The following ABHD5 variants were observed in gnomAD, a reference collection of about 807,000 sequenced individuals.
The protein encoded by ABHD5 is abhydrolase domain containing 5, lysophosphatidic acid acyltransferase, also known as 1-acylglycerol-3-phosphate O-acyltransferase ABHD5.
In ABHD5, 30 loss-of-function variants were observed where a neutral mutation model predicts 44.9. The observed-to-expected ratio is 0.67, with a 90% CI of 0.50 to 0.91. ABHD5 has a LOEUF of 0.91. Ranked by LOEUF, ABHD5 falls within the 40% of genes least tolerant of loss-of-function variation. The pLI is 0.00. For missense variants in ABHD5, 399 were observed against 423.4 expected (o/e 0.94, Z 0.50); for synonymous variants, 167 against 147.0 (o/e 1.14, Z -0.99).
Position 43,720,811 on chromosome 3 carries a change from GA to G in ABHD5, c.*2281del, listed in dbSNP as rs1244173816. 6.6e-6 allele frequency: 1 copy of G among 152,020 alleles called. No individual in the cohort carries two copies. The highest frequency in any genetic ancestry group is 1.5e-5 in the Non-Finnish European group (1 of 68,018). The allele number at this position is 152,020 out of a possible 1,614,324, so 9.4% of individuals were successfully genotyped here. On this transcript the variant is annotated 3_prime_UTR_variant, in exon 7 of 7. Coordinates refer to ENST00000644371, the MANE Select transcript of ABHD5 (RefSeq NM_016006.6). Reference sequence around the variant, plus strand: ...AGTAAATGCTGCTGTTGTTCTTAGGGAAGGCTACTCTGGGTGTTGTGGCCGC... The same window carrying G: ...AGTAAATGCTGCTGTTGTTCTTAGGGAGGCTACTCTGGGTGTTGTGGCCGC...
intron 2 of ABHD5, among the ~76,000 whole-genome samples, chr3:43,700,505 T>C (rs2084528095): frequency 6.6e-6 from 1 of 152,230 alleles, no homozygotes; most frequent in African/African-American, 2.4e-5. Flanking sequence ...TTTGTGCATT[T>C]GAATGATTCA....
At chr3:43,723,662 A>G (rs896942436), downstream of ABHD5, among the ~76,000 whole-genome samples, 1 of 152,234 alleles carries the variant, frequency 6.6e-6, no homozygotes, top group Admixed American at 6.5e-5. Context: ...CACACAGGAG[A>G]TTGAAAAGCA....
chr3:43,704,139 A>T (rs377453513), intron 3 of ABHD5, among the ~76,000 whole-genome samples: 1 of 149,368 alleles, frequency 6.7e-6, no homozygotes, highest in South Asian at 2.1e-4. Flanking sequence ...TCCCAGGTTC[A>T]AGCAATTCTC....
chr3:43,709,094 T>C (rs1375068759), intron 3 of ABHD5, among the ~76,000 whole-genome samples: 1 of 152,238 alleles, frequency 6.6e-6, no homozygotes, highest in Non-Finnish European at 1.5e-5. Flanking sequence ...TTATACTTTA[T>C]AAAATTTGTA....
intron 3 of ABHD5, among the ~76,000 whole-genome samples, chr3:43,710,012 C>T (rs1272140999): frequency 1.3e-5 from 2 of 152,128 alleles, no homozygotes; most frequent in Non-Finnish European, 2.9e-5. Context: ...CACTGCACTC[C>T]AGCCTGGGCG....
intron 2 of ABHD5, 72 bp from the exon 3 acceptor site, chr3:43,702,143 G>T: frequency 1.4e-6 from 2 of 1,381,996 alleles, no homozygotes; most frequent in Admixed American, 4.8e-5. Context: ...GTAATTTTTG[G>T]TTGCTCTGAG....
intron 4 of ABHD5, among the ~76,000 whole-genome samples, chr3:43,714,431 G>A (rs1219736196): frequency 1.3e-5 from 2 of 152,174 alleles, no homozygotes; most frequent in East Asian, 3.9e-4. Flanking sequence ...TCACGCCTGG[G>A]TGTCCTCGGC....
intron 1 of ABHD5, among the ~76,000 whole-genome samples, chr3:43,695,980 CCTTT>C (rs1397865715): frequency 6.6e-6 from 1 of 152,156 alleles, no homozygotes; most frequent in African/African-American, 2.4e-5. Flanking sequence ...AAACAAGAAT[CCTTT>C]CTTTTTTTGT....
At chr3:43,730,798 G>A (rs989075293) in intron 7 of ABHD5, among the ~76,000 whole-genome samples, 18 of 152,150 alleles carry the variant, frequency 1.2e-4, no homozygotes, top group African/African-American at 3.9e-4. Flanking sequence ...GAGCCACTGC[G>A]CCTGGCCTAA....
intron 5 of ABHD5, among the ~76,000 whole-genome samples, chr3:43,717,429 A>G (rs182672185): frequency 9.8e-5 from 15 of 152,352 alleles, no homozygotes; most frequent in African/African-American, 3.6e-4. Context: ...TTAGGGTTGT[A>G]CATTTTGGTT....
At chr3:43,690,905 C>T (rs1320988126), upstream of ABHD5, 3 of 1,408,350 alleles carry the variant, frequency 2.1e-6, no homozygotes, top group East Asian at 5.8e-5. Flanking sequence ...CGGCCTGCGC[C>T]GCCTTAAGTG....
intron 5 of ABHD5, 89 bp from the exon 6 acceptor site, chr3:43,717,582 A>G: frequency 7.2e-7 from 1 of 1,388,090 alleles, no homozygotes; most frequent in Non-Finnish European, 1.0e-6. Context: ...TGGAAAAGCT[A>G]AATATGAATG....
chr3:43,693,904 C>G (rs2084435809), intron 1 of ABHD5, among the ~76,000 whole-genome samples: 1 of 151,994 alleles, frequency 6.6e-6, no homozygotes, highest in Non-Finnish European at 1.5e-5. Context: ...CTCTTCTGTA[C>G]TCTGGTAATG....
At position 43,720,638 on chromosome 3, in the gene ABHD5, C is replaced by T. The variant is rs1328248285; in HGVS notation, c.*2106C>T. The T allele has an allele frequency of 6.6e-6, 1 of 152,122 alleles. No homozygotes were observed. Among genetic ancestry groups the T allele is most frequent in the Non-Finnish European group, 1.5e-5 (1 of 68,010 alleles). 9.4% of individuals were successfully genotyped at this position (152,122 alleles called of 1,614,324 possible). A position where few individuals can be genotyped will look rare whatever the true frequency, so the allele number is the denominator to read the frequency against. On this transcript the variant is annotated 3_prime_UTR_variant, in exon 7 of 7. Coordinates refer to ENST00000644371, the MANE Select transcript of ABHD5 (RefSeq NM_016006.6). ...TTAAAAATCTAGTACAGCATTTGAT[C>T]TTTGTTATGCACAGCATACTTTTAT...
chr3:43,710,417 T>C (rs2084673269), intron 3 of ABHD5, among the ~76,000 whole-genome samples: 1 of 152,226 alleles, frequency 6.6e-6, no homozygotes, highest in Non-Finnish European at 1.5e-5. Context: ...CGGCATCTGC[T>C]GGTATGCTGG....
chr3:43,713,169 T>C (rs2084709804), intron 4 of ABHD5, among the ~76,000 whole-genome samples: 1 of 151,370 alleles, frequency 6.6e-6, no homozygotes, highest in South Asian at 2.1e-4. Flanking sequence ...TACAAAAAAA[T>C]TAGCCAGGCA....
intron 1 of ABHD5, among the ~76,000 whole-genome samples, chr3:43,692,990 C>T (rs1368720487): frequency 6.6e-6 from 1 of 152,152 alleles, no homozygotes; most frequent in Non-Finnish European, 1.5e-5. Context: ...CTTTGTGGCA[C>T]TTAGTGAAGA....
At position 43,702,543 on chromosome 3, in the gene ABHD5, A is replaced by G; in HGVS notation, c.462A>G (p.Leu154=). 2 of 1,614,236 alleles carry G rather than the reference A, an allele frequency of 1.2e-6. No homozygotes were observed. The highest frequency in any genetic ancestry group is 1.7e-6 in the Non-Finnish European group (2 of 1,180,034). Reference sequence around the variant, plus strand: ...AAATGATCTTGCTTGGGCACAACCTAGGTGGATTCTTGGCTGCTGCTTACT... The same window carrying G: ...AAATGATCTTGCTTGGGCACAACCTGGGTGGATTCTTGGCTGCTGCTTACT... ...LDKMILLGHN[L]GGFLAAAYSL... is the part of the protein sequence containing the mutation. The change falls in exon 3 of 7, where the codon CTA becomes CTG. Residue 154 remains leucine (L), a synonymous_variant. Coordinates refer to ENST00000644371, the MANE Select transcript of ABHD5 (RefSeq NM_016006.6).
rs2084818642 is a variant in ABHD5 at position 43,720,277 on chromosome 3, C to G, written c.*1745C>G. On this transcript the variant is annotated 3_prime_UTR_variant, in exon 7 of 7. Coordinates refer to ENST00000644371, the MANE Select transcript of ABHD5 (RefSeq NM_016006.6). Reference sequence around the variant, plus strand: ...TACACACTCTCTAATCTCAATTATCCTTTGCTGGGAGAATGACAGGTTTCA... The same window carrying G: ...TACACACTCTCTAATCTCAATTATCGTTTGCTGGGAGAATGACAGGTTTCA... 2 of 151,354 alleles carry G rather than the reference C, an allele frequency of 1.3e-5. No homozygotes were observed. The highest frequency in any genetic ancestry group is 3.9e-4 in the East Asian group (2 of 5,066). The allele number at this position is 151,354 out of a possible 1,614,324, so 9.4% of individuals were successfully genotyped here. A position where few individuals can be genotyped will look rare whatever the true frequency, so the allele number is the denominator to read the frequency against.
Sources: gnomAD v4.1 joint callset for allele counts (sites outside exome capture counted in the v4.1 genomes callset) on GRCh38, gnomAD v4.1.1 for gene constraint, MANE v1.5 for transcripts, NCBI Gene and HGNC (gene_info 2026-07-23, HGNC 2026-07-21) for gene names.